The following PMFBP1 variants were observed in gnomAD, a reference collection of about 807,000 sequenced individuals.
PMFBP1 encodes polyamine modulated factor 1 binding protein 1, also known as polyamine-modulated factor 1-binding protein 1.
Under a neutral mutation model 137.8 loss-of-function variants are expected in PMFBP1, and 131 were observed. The observed-to-expected ratio is 0.95, with a 90% CI of 0.82 to 1.10. PMFBP1 has a LOEUF of 1.10. Among genes scored for constraint, PMFBP1 ranks in the 50% least tolerant of loss-of-function variants. The probability of loss-of-function intolerance (pLI) is 0.00; values close to 1 mark genes in which losing one functional copy is unlikely to be tolerated. For missense variants in PMFBP1, 1,199 were observed against 1,175.4 expected, an observed-to-expected ratio of 1.02 and a Z score of -0.29; for synonymous variants, 490 against 450.4, an observed-to-expected ratio of 1.09 and a Z score of -1.11.
At position 72,125,428 on chromosome 16, in the gene PMFBP1, C is replaced by T. The variant is rs9921752; in HGVS notation, c.2254-23G>A. 7.6e-3 allele frequency: 12,208 copies of T among 1,604,198 alleles called. 821 individuals are homozygous for T. The African/African-American group carries it at 0.15, about 19-fold the overall frequency. ...GAGCTTCCGGAAAAGACAAAGAGGA[C>T]GAATGGCTGTCAGAGACTTTGACCC... On this transcript the variant is annotated intron_variant, in intron 15 of 20. Coordinates refer to ENST00000237353, the MANE Select transcript of PMFBP1 (RefSeq NM_031293.3).
intron 3 of PMFBP1, 35 bp downstream of exon 3, chr16:72,164,729 G>A (rs1351607103): frequency 1.3e-6 from 2 of 1,563,932 alleles, no homozygotes; most frequent in Non-Finnish European, 1.7e-6. Flanking sequence ...GAAGTCAAGA[G>A]AGCAGGGGTG....
At position 72,124,830 on chromosome 16, in the gene PMFBP1, C is replaced by T; in HGVS notation, c.2526G>A (p.Gln842=). The stretch of plus-strand genomic sequence containing the variant: ...CCATCTCCTCCTGGAACTCCCTGAG[C>T]TGCTCCTCTTTGGCTGCCAGCATCT... ...DLKMLAAKEE[Q]LREFQEEMAA... is the part of the protein sequence containing the mutation. The change falls in exon 17 of 21, where the codon CAG becomes CAA. Residue 842 remains glutamine, a synonymous_variant. Transcript: ENST00000237353. The T allele has an allele frequency of 6.2e-7, 1 of 1,614,238 alleles. No individual in the cohort carries two copies. Among genetic ancestry groups the T allele is most frequent in the South Asian group, 1.1e-5 (1 of 91,086 alleles).
the PMFBP1 span, among the ~76,000 whole-genome samples, chr16:72,224,352 T>C: frequency 6.6e-6 from 1 of 152,192 alleles, no homozygotes; most frequent in Admixed American, 6.5e-5. Context: ...GACTGCCAGA[T>C]TGTCTTACAG....
chr16:72,247,659 T>C, the PMFBP1 span, among the ~76,000 whole-genome samples: 1 of 152,224 alleles, frequency 6.6e-6, no homozygotes, highest in South Asian at 2.1e-4. Flanking sequence ...GTATGTTAAA[T>C]TATTCGGCAT....
At chr16:72,244,697 T>C in the PMFBP1 span, among the ~76,000 whole-genome samples, 1 of 152,238 alleles carries the variant, frequency 6.6e-6, no homozygotes, top group Non-Finnish European at 1.5e-5. Flanking sequence ...CCTACTGGTA[T>C]GGGGACCAAC....
chr16:72,162,473 C>T (rs2043077692), intron 3 of PMFBP1, among the ~76,000 whole-genome samples: 1 of 152,238 alleles, frequency 6.6e-6, no homozygotes, highest in Admixed American at 6.5e-5. Flanking sequence ...ACTATGACCT[C>T]CTGCTTGTTT....
In PMFBP1 at chr16:72,172,115, T is replaced by TC; in HGVS notation, c.-123dup. 6.6e-6 allele frequency: 1 copy of TC among 152,194 alleles called. No homozygotes were observed. Among genetic ancestry groups the TC allele is most frequent in the Middle Eastern group, 3.4e-3 (1 of 294 alleles). The allele number at this position is 152,194 out of a possible 1,614,324, so 9.4% of individuals were successfully genotyped here. A position where few individuals can be genotyped will look rare whatever the true frequency, so the allele number is the denominator to read the frequency against. Reference sequence around the variant, plus strand: ...TACTCATCCTTTGTAACAAACCACATCCCCTATCCCTAATATAAGCCAAGA... The same window carrying TC: ...TACTCATCCTTTGTAACAAACCACATCCCCCTATCCCTAATATAAGCCAAGA... On this transcript the variant is annotated 5_prime_UTR_variant, in exon 1 of 21. Transcript: ENST00000237353.
At chr16:72,165,567 C>T (rs548043867) in intron 2 of PMFBP1, among the ~76,000 whole-genome samples, 15 of 152,086 alleles carry the variant, frequency 9.9e-5, no homozygotes, top group East Asian at 1.9e-4. Context: ...TACAGGCACC[C>T]GCCACCATGC....
the PMFBP1 span, among the ~76,000 whole-genome samples, chr16:72,218,325 T>C: frequency 6.6e-6 from 1 of 152,188 alleles, no homozygotes; most frequent in African/African-American, 2.4e-5. Flanking sequence ...GAAGGATTCT[T>C]AATACTTAAA....
upstream of PMFBP1, among the ~76,000 whole-genome samples, chr16:72,172,983 C>T (rs1250394416): frequency 6.6e-6 from 1 of 152,086 alleles, no homozygotes; most frequent in African/African-American, 2.4e-5. Context: ...CCTGTACTGG[C>T]GAACTCACAA....
In PMFBP1 at chr16:72,164,815, C is replaced by A. The variant is rs762927792; in HGVS notation, c.114G>T (p.Lys38Asn). ...TGCAGAGCTGATTGTCCTGCAAGGT[C>A]TTCCTCTGTCTCTTGCAGACATCGT... ...NLHDVCKRQRKTLQDNQLCME... is the reference protein window; with the variant it reads ...NLHDVCKRQRNTLQDNQLCME... The change falls in exon 3 of 21, where the codon AAG (lysine) becomes AAT (asparagine). Residue 38 changes from lysine (K) to asparagine (N), a missense_variant. Lys to Asn is a moderately conservative substitution (Grantham distance 94). Transcript: ENST00000237353. 4 of 1,608,722 alleles carry A rather than the reference C, an allele frequency of 2.5e-6. 1 individual carries two copies. The South Asian group carries it at 4.4e-5, about 18-fold the overall frequency.
intron 14 of PMFBP1, chr16:72,128,352 G>GC: frequency 2.3e-6 from 3 of 1,313,530 alleles, no homozygotes; most frequent in Non-Finnish European, 2.0e-6. Flanking sequence ...CTAGCAAATT[G>GC]CCCCCCAAAA....
chr16:72,164,226 T>C (rs1270589241), intron 3 of PMFBP1: 1 of 373,128 alleles, frequency 2.7e-6, no homozygotes, highest in Non-Finnish European at 5.2e-6. Flanking sequence ...CTGACATTGC[T>C]TGAGGGTTGC....
At chr16:72,223,070 G>A in the PMFBP1 span, among the ~76,000 whole-genome samples, 3 of 152,186 alleles carry the variant, frequency 2.0e-5, no homozygotes, top group Non-Finnish European at 2.9e-5. Context: ...GCTACCCCAG[G>A]CTGTGCATGG....
chr16:72,246,806 G>A, the PMFBP1 span, among the ~76,000 whole-genome samples: 3 of 152,024 alleles, frequency 2.0e-5, no homozygotes, highest in African/African-American at 7.2e-5. Flanking sequence ...CTAGCAAAGG[G>A]CATGGACCAT....
At chr16:72,229,030 A>G in the PMFBP1 span, among the ~76,000 whole-genome samples, 4 of 151,788 alleles carry the variant, frequency 2.6e-5, no homozygotes, top group South Asian at 2.1e-4. Flanking sequence ...AGTAAGCCCA[A>G]TGTCTATTGT....
At chr16:72,153,388 ATTT>A (rs1321389384) in intron 4 of PMFBP1, among the ~76,000 whole-genome samples, 1 of 151,728 alleles carries the variant, frequency 6.6e-6, no homozygotes, top group Non-Finnish European at 1.5e-5. Flanking sequence ...ACTCTTTGAA[ATTT>A]TTTTTTCTTC....
chr16:72,225,052 T>C, the PMFBP1 span: 7 of 152,222 alleles, frequency 4.6e-5, no homozygotes, highest in African/African-American at 1.4e-4. Context: ...ATGGTACCTG[T>C]AGATGAATTT....
At chr16:72,194,367 T>C in the PMFBP1 span, among the ~76,000 whole-genome samples, 1 of 152,198 alleles carries the variant, frequency 6.6e-6, no homozygotes, top group African/African-American at 2.4e-5. Flanking sequence ...TTCCTCATCC[T>C]TTCTCTATTT....
Sources: gnomAD v4.1 joint callset for allele counts (sites outside exome capture counted in the v4.1 genomes callset) on GRCh38, gnomAD v4.1.1 for gene constraint, MANE v1.5 for transcripts, NCBI Gene and HGNC (gene_info 2026-07-23, HGNC 2026-07-21) for gene names.